Variants in LPA observed in about 807,000 individuals in gnomAD.
LPA encodes the protein lipoprotein(a).
A neutral mutation model predicts 197.9 loss-of-function variants in LPA; 199 were observed. The ratio of observed to expected loss-of-function variants is 1.01; its 90% CI spans 0.90 to 1.13. The LOEUF is 1.13. Ranked by LOEUF, LPA falls within the 50% of genes most tolerant of loss-of-function variation. The probability of loss-of-function intolerance (pLI) is 0.00; values close to 1 mark genes in which losing one functional copy is unlikely to be tolerated. For missense variants in LPA, 1,853 were observed against 1,785.8 expected (o/e 1.04, Z -0.68); for synonymous variants, 715 against 639.5 (o/e 1.12, Z -1.78).
intron 38 of LPA, 51 bp downstream of exon 38, chr6:160,532,480 T>G: frequency 7.1e-7 from 1 of 1,412,654 alleles, no homozygotes; most frequent in Non-Finnish European, 1.0e-6. Context: ...TCTAAGGGAC[T>G]GAGACTGAGA....
chr6:160,600,998 G>T lies in LPA; in HGVS notation c.3046C>A (p.Arg1016=), dbSNP rs142344792. The T allele has an allele frequency of 2.5e-4, 408 of 1,613,998 alleles. 2 individuals carry two copies. The African/African-American group carries it at 4.7e-3, about 18-fold the overall frequency. The change falls in exon 19 of 39, where the codon CGA becomes AGA. Residue 1016 remains arginine, a synonymous_variant. Coordinates refer to ENST00000316300, the MANE Select transcript of LPA (RefSeq NM_005577.4). ...SVRWEYCNLT[R]CSDAEWTAFV... is the part of the protein sequence containing the mutation. ...GCAGTCCATTCTGCATCTGAGCATC[G>T]TGTCAGGTTGCAGTACTCCCACCTG...
chr6:160,558,668 G>T (rs951480735), intron 28 of LPA, among the ~76,000 whole-genome samples: 10 of 152,166 alleles, frequency 6.6e-5, no homozygotes, highest in Non-Finnish European at 7.4e-5. Flanking sequence ...CATAAAGGGC[G>T]ATGGCTGGGT....
intron 26 of LPA, among the ~76,000 whole-genome samples, chr6:160,583,209 G>T (rs1196159647): frequency 2.6e-5 from 4 of 151,222 alleles, no homozygotes; most frequent in Non-Finnish European, 4.4e-5. Context: ...CTGGTTATGG[G>T]TCACACTAAA....
In LPA at chr6:160,609,832, G is replaced by C. The variant is rs565863505; in HGVS notation, c.2603+1730C>G. Reference sequence around the variant, plus strand: ...ATGTGTGTGTGTATGGGTGTGTTTTGAATGTGTGTGTGTGTGGCTCATTCT... The same window carrying C: ...ATGTGTGTGTGTATGGGTGTGTTTTCAATGTGTGTGTGTGTGGCTCATTCT... On this transcript the variant is annotated intron_variant, in intron 16 of 38. Coordinates refer to ENST00000316300, the MANE Select transcript of LPA (RefSeq NM_005577.4). 3.3e-5 allele frequency among the ~76,000 whole-genome samples: 5 copies of C among 151,914 alleles called. No individual in the cohort carries two copies. In the East Asian group the frequency reaches 7.8e-4, roughly 24 times the overall value.
chr6:160,603,782 A>G (rs1779290133), intron 18 of LPA, among the ~76,000 whole-genome samples: 1 of 152,208 alleles, frequency 6.6e-6, no homozygotes, highest in Non-Finnish European at 1.5e-5. Context: ...CTTGGAAATG[A>G]TTTTAATGCT....
In LPA at chr6:160,557,453, A is replaced by G; in HGVS notation, c.4750T>C (p.Ser1584Pro). The change falls in exon 29 of 39, where the codon TCA becomes CCA. Residue 1584 changes from serine to proline, a missense_variant. Around this residue, in one of 3 missense-constraint regions of LPA, gnomAD observed 1,737 missense variants for 1,504.4 expected, o/e 1.15. Coordinates refer to ENST00000316300, the MANE Select transcript of LPA (RefSeq NM_005577.4). ...CNLTQCSETESGVLETPTVVP... is the reference protein window; with the variant it reads ...CNLTQCSETEPGVLETPTVVP... ...ACAGTGGGAGTCTCTAGGACACCTG[A>G]TTCTGTTTCTGAGCATTGTGTCAGA... is the stretch of plus-strand genomic sequence containing the variant. 6.2e-7 allele frequency: 1 copy of G among 1,614,144 alleles called. No homozygotes were observed. Among genetic ancestry groups the G allele is most frequent in the Non-Finnish European group, 8.5e-7 (1 of 1,180,016 alleles).
chr6:160,615,352 TTGTGTG>T (rs370743567), intron 14 of LPA, among the ~76,000 whole-genome samples: 25 of 122,252 alleles, frequency 2.0e-4, no homozygotes, highest in South Asian at 8.2e-4. Flanking sequence ...TGTTTTCAGT[TTGTGTG>T]TGTGTGTGTG....
chr6:160,634,894 T>A lies in LPA; in HGVS notation c.1075+229A>T, dbSNP rs1412891058. Among the ~76,000 whole-genome samples, 24 of 150,234 alleles carry A rather than the reference T, an allele frequency of 1.6e-4. 3 individuals are homozygous for A. Among genetic ancestry groups the A allele is most frequent in the African/African-American group, 5.8e-4 (23 of 39,566 alleles). ...AGAAGGAGGTGAGTTGTGAAGCCCA[T>A]CACCCTGGAAGGTTTGTGCCCATTC... On this transcript the variant is annotated intron_variant, in intron 7 of 38. Coordinates refer to ENST00000316300, the MANE Select transcript of LPA (RefSeq NM_005577.4).
chr6:160,602,073 G>C (rs1425641361), intron 18 of LPA, among the ~76,000 whole-genome samples: 1 of 152,130 alleles, frequency 6.6e-6, no homozygotes, highest in Non-Finnish European at 1.5e-5. Context: ...GGGAAAACGG[G>C]AAATGTATTA....
intron 22 of LPA, 114 bp downstream of exon 22, chr6:160,593,844 C>T: frequency 2.2e-6 from 3 of 1,334,080 alleles, no homozygotes; most frequent in Admixed American, 3.4e-5. Context: ...ACATTCTACC[C>T]AACATTCCAG....
At chr6:160,569,756 A>G (rs1009218452) in intron 28 of LPA, among the ~76,000 whole-genome samples, 2 of 152,210 alleles carry the variant, frequency 1.3e-5, no homozygotes, top group African/African-American at 2.4e-5. Flanking sequence ...TAATATCCAG[A>G]ATCTACAAAG....
At position 160,595,491 on chromosome 6, in the gene LPA, C is replaced by A; in HGVS notation, c.3332G>T (p.Arg1111Leu). Residue 1111 changes from arginine to leucine, a missense_variant, in exon 21 of 39, where the codon CGC becomes CTC. Physicochemically the swap from Arg to Leu is moderately radical, Grantham distance 102. Transcript: ENST00000316300. ...GGGATCCATGGTGTAACACCAAGGG[C>A]GAATCTCAGCATCTGGATTCCTGCA... is the stretch of plus-strand genomic sequence containing the variant. Reference protein sequence around the residue: ...NYCRNPDAEIRPWCYTMDPSV... With the variant: ...NYCRNPDAEILPWCYTMDPSV... The A allele has an allele frequency of 1.2e-6, 2 of 1,613,910 alleles. No homozygotes were observed. The highest frequency in any genetic ancestry group is 1.7e-6 in the Non-Finnish European group (2 of 1,179,940).
In LPA at chr6:160,532,541, T is replaced by C; in HGVS notation, c.5951A>G (p.Asp1984Gly). 6.3e-7 allele frequency: 1 copy of C among 1,597,518 alleles called. No individual in the cohort carries two copies. Among genetic ancestry groups the C allele is most frequent in the Non-Finnish European group, 8.6e-7 (1 of 1,164,894 alleles). Residue 1984 changes from aspartate (D) to glycine (G), a missense_variant, in exon 38 of 39, where the codon GAC becomes GGC. Around this residue, in one of 3 missense-constraint regions of LPA, gnomAD observed 1,737 missense variants for 1,504.4 expected, o/e 1.15. Transcript: ENST00000316300. Reference sequence around the variant, plus strand: ...TTGATCTTTTCTTACCTGGCAACTGTCAGTGCCTCTGGCCAAATGCTCAGC... The same window carrying C: ...TTGATCTTTTCTTACCTGGCAACTGCCAGTGCCTCTGGCCAAATGCTCAGC... ...ICAEHLARGT[D>G]SCQGDSGGPL...
chr6:160,611,523 T>A (rs368233464), intron 16 of LPA, 39 bp downstream of exon 16: 1 of 1,606,116 alleles, frequency 6.2e-7, no homozygotes, highest in East Asian at 2.2e-5. Flanking sequence ...AAACTTCAGT[T>A]GGCCCTTTAT....
chr6:160,586,232 G>T (rs748909331), intron 25 of LPA, among the ~76,000 whole-genome samples: 6 of 152,072 alleles, frequency 3.9e-5, no homozygotes, highest in Non-Finnish European at 5.9e-5. Context: ...GTCCTAGAGG[G>T]TCTGTGCCCC....
intron 35 of LPA, 23 bp downstream of exon 35, chr6:160,541,084 T>A: frequency 6.2e-7 from 1 of 1,607,934 alleles, no homozygotes. Context: ...TAAGACCCCA[T>A]GTCAGTTTTC....
At chr6:160,590,445 T>A (rs1261776595) in intron 23 of LPA, among the ~76,000 whole-genome samples, 1 of 152,140 alleles carries the variant, frequency 6.6e-6, no homozygotes, top group African/African-American at 2.4e-5. Flanking sequence ...ATAGAGCATT[T>A]GCTGGCTATG....
chr6:160,657,862 T>C lies in LPA; in HGVS notation c.49+6304A>G, dbSNP rs79246098. ...TGCCTGTTCTCCAGATTTCTGCCAA[T>C]ATAAATTAGAAAGCTTAAGCAGTTC... On this transcript the variant is annotated intron_variant, in intron 1 of 38. Coordinates refer to ENST00000316300, the MANE Select transcript of LPA (RefSeq NM_005577.4). Among the ~76,000 whole-genome samples the C allele has an allele frequency of 6.7e-3, 1,013 of 152,290 alleles. 7 individuals are homozygous for C. The highest frequency in any genetic ancestry group is 0.014 in the Middle Eastern group (4 of 294).
At chr6:160,659,687 C>A (rs1166424258) in intron 1 of LPA, among the ~76,000 whole-genome samples, 1 of 152,148 alleles carries the variant, frequency 6.6e-6, no homozygotes, top group Non-Finnish European at 1.5e-5. Flanking sequence ...CAGAGAAGCA[C>A]AGAGCCAACA....
Sources: allele counts gnomAD v4.1 joint callset (sites outside exome capture counted in the v4.1 genomes callset), GRCh38; gene constraint gnomAD v4.1.1; regional missense constraint gnomAD v4.1.1; transcripts MANE v1.5; gene names NCBI Gene and HGNC (gene_info 2026-07-23, HGNC 2026-07-21).